The following CDK6 variants were observed in gnomAD, a reference collection of about 807,000 sequenced individuals.
CDK6 encodes cyclin-dependent kinase 6.
CDK6 carries 6 observed loss-of-function variants against 37.1 expected under a neutral mutation model. The ratio of observed to expected loss-of-function variants is 0.16; its 90% CI spans 0.09 to 0.32. CDK6 has a LOEUF of 0.32. CDK6 is among the 10% of genes least tolerant of loss of function. The pLI is 1.00. For missense variants in CDK6, 224 were observed against 418.9 expected, an observed-to-expected ratio of 0.53 and a Z score of 4.06; for synonymous variants, 160 against 161.3, an observed-to-expected ratio of 0.99 and a Z score of 0.06.
chr7:92,783,517 T>C (rs571361997), intron 2 of CDK6, among the ~76,000 whole-genome samples: 67 of 152,296 alleles, frequency 4.4e-4, no homozygotes, highest in African/African-American at 1.6e-3. Flanking sequence ...TTTAAGAGAG[T>C]ATTCATAAGA....
chr7:92,712,539 C>A (rs1332742647), intron 4 of CDK6, among the ~76,000 whole-genome samples: 1 of 152,140 alleles, frequency 6.6e-6, no homozygotes, highest in African/African-American at 2.4e-5. Flanking sequence ...GTAGCAGCAA[C>A]ATGACCTTTA....
chr7:92,719,176 G>C (rs983460899), intron 4 of CDK6, among the ~76,000 whole-genome samples: 14 of 152,132 alleles, frequency 9.2e-5, no homozygotes, highest in Non-Finnish European at 1.9e-4. Context: ...AGGATGTACA[G>C]GTTTGTTACA....
chr7:92,835,585 C>G lies in CDK6; in HGVS notation c.-368+893G>C, dbSNP rs968788512. Among the ~76,000 whole-genome samples the G allele has an allele frequency of 6.6e-6, 1 of 152,230 alleles. No individual in the cohort carries two copies. The highest frequency in any genetic ancestry group is 1.5e-5 in the Non-Finnish European group (1 of 68,052). On this transcript the variant is annotated intron_variant, in intron 1 of 7. Transcript: ENST00000424848. This position sits in a 1 kb window ranked among gnomAD's most constrained non-coding sequence, Gnocchi z 4.2. ...ACATTTCCGCATTCCTCCGCGACTA[C>G]AAAGGCTGCAGCCGCCTCCTTCTGC... is the stretch of plus-strand genomic sequence containing the variant.
chr7:92,608,345 T>A lies in CDK6; in HGVS notation c.*6795A>T. The A allele has an allele frequency of 8.6e-6, 2 of 231,952 alleles. No individual in the cohort carries two copies. Among genetic ancestry groups the A allele is most frequent in the Non-Finnish European group, 1.7e-5 (2 of 117,302 alleles). The allele number at this position is 231,952 out of a possible 1,614,324, so 14.4% of individuals were successfully genotyped here. On this transcript the variant is annotated 3_prime_UTR_variant, in exon 8 of 8. Transcript: ENST00000424848. The stretch of plus-strand genomic sequence containing the variant: ...TGCTACATGAGATAATTTGTTTACA[T>A]ACCTTTAATTACCTAACAAAGAAAA...
chr7:92,819,424 T>C (rs1801114501), intron 2 of CDK6, among the ~76,000 whole-genome samples: 1 of 152,058 alleles, frequency 6.6e-6, no homozygotes, highest in South Asian at 2.1e-4. Context: ...TGTGGGATAA[T>C]GCGAGTATTT....
intron 4 of CDK6, among the ~76,000 whole-genome samples, chr7:92,712,084 C>T (rs1328633025): frequency 2.7e-5 from 4 of 150,852 alleles, no homozygotes; most frequent in African/African-American, 9.8e-5. Context: ...GCTGTGAACC[C>T]GGGAGGCAGA....
rs1254710727 is a variant in CDK6 at position 92,672,158 on chromosome 7, T to TATATATATATATACAC, written c.538-624_538-623insGTGTATATATATATAT. On this transcript the variant is annotated intron_variant, in intron 4 of 7. Coordinates refer to ENST00000424848, the MANE Select transcript of CDK6 (RefSeq NM_001145306.2). The stretch of plus-strand genomic sequence containing the variant: ...ACATATATATATATATATATATATA[T>TATATATATATATACAC]ATACACATACACACACACACACACA... Among the ~76,000 whole-genome samples, 198 of 102,712 alleles carry TATATATATATATACAC rather than the reference T, an allele frequency of 1.9e-3. 7 individuals are homozygous for TATATATATATATACAC. Among genetic ancestry groups the TATATATATATATACAC allele is most frequent in the South Asian group, 0.013 (34 of 2,640 alleles). 67.4% of individuals were successfully genotyped at this position (102,712 alleles called of 152,430 possible).
intron 3 of CDK6, among the ~76,000 whole-genome samples, chr7:92,759,507 T>C (rs1374307628): frequency 6.6e-6 from 1 of 151,932 alleles, no homozygotes; most frequent in Admixed American, 6.6e-5. Flanking sequence ...TAAAAGTTAT[T>C]TTTTTTAAAA....
rs1378044397 is a variant in CDK6, at chr7:92,791,183, G to A, written c.234-16352C>T. Among the ~76,000 whole-genome samples, 3 of 152,078 alleles carry A rather than the reference G, an allele frequency of 2.0e-5. No individual in the cohort carries two copies. The East Asian group carries it at 5.8e-4, about 29-fold the overall frequency. The stretch of plus-strand genomic sequence containing the variant: ...TAAGTGTCTAAATGTGGCGGGGGTG[G>A]AGGGATGGGGAAGGAGAAGCCAAGG... On this transcript the variant is annotated intron_variant, in intron 2 of 7. Transcript: ENST00000424848.
At chr7:92,806,820 A>C (rs1174180950) in intron 2 of CDK6, among the ~76,000 whole-genome samples, 1 of 152,182 alleles carries the variant, frequency 6.6e-6, no homozygotes, top group African/African-American at 2.4e-5. Flanking sequence ...GCTTCACTGC[A>C]TTTCTTCATT....
intron 2 of CDK6, among the ~76,000 whole-genome samples, chr7:92,826,896 G>GA (rs1801332198): frequency 6.6e-6 from 1 of 152,128 alleles, no homozygotes; most frequent in African/African-American, 2.4e-5. Flanking sequence ...TGGACACCAT[G>GA]TTATTTATGG....
At chr7:92,649,251 A>G (rs904652615) in intron 5 of CDK6, among the ~76,000 whole-genome samples, 1 of 152,238 alleles carries the variant, frequency 6.6e-6, no homozygotes, top group African/African-American at 2.4e-5. Flanking sequence ...TATTCCATGA[A>G]ACAGCAGATT....
At chr7:92,669,632 T>G (rs1797031884) in intron 5 of CDK6, among the ~76,000 whole-genome samples, 1 of 152,266 alleles carries the variant, frequency 6.6e-6, no homozygotes, top group African/African-American at 2.4e-5. Context: ...AGTAAATTAT[T>G]CTTGGTTCTA....
intron 4 of CDK6, among the ~76,000 whole-genome samples, chr7:92,698,407 C>G (rs949043111): frequency 1.2e-4 from 19 of 152,180 alleles, no homozygotes; most frequent in Non-Finnish European, 1.6e-4. Flanking sequence ...ACATCGTTAG[C>G]TGGAAAATTC....
intron 4 of CDK6, among the ~76,000 whole-genome samples, chr7:92,716,515 G>C (rs1189229320): frequency 1.3e-5 from 2 of 152,192 alleles, no homozygotes; most frequent in African/African-American, 4.8e-5. Flanking sequence ...TTTGGACTGA[G>C]TGAATAAAAA....
intron 2 of CDK6, among the ~76,000 whole-genome samples, chr7:92,777,435 G>A (rs1257100522): frequency 6.6e-6 from 1 of 152,096 alleles, no homozygotes; most frequent in South Asian, 2.1e-4. Context: ...TAGTAGAGAC[G>A]GGGTTACTCC....
At chr7:92,687,083 T>C (rs1221071837) in intron 4 of CDK6, among the ~76,000 whole-genome samples, 2 of 152,186 alleles carry the variant, frequency 1.3e-5, no homozygotes, top group Non-Finnish European at 2.9e-5. Flanking sequence ...CTATTGTAGA[T>C]ACTTAAAAGA....
intron 4 of CDK6, among the ~76,000 whole-genome samples, chr7:92,694,968 T>C (rs1269430442): frequency 6.6e-6 from 1 of 152,102 alleles, no homozygotes; most frequent in Non-Finnish European, 1.5e-5. Flanking sequence ...AAATTACTTA[T>C]AGACAGAAGG....
intron 2 of CDK6, among the ~76,000 whole-genome samples, chr7:92,795,367 G>A (rs1800383242): frequency 6.6e-6 from 1 of 152,094 alleles, no homozygotes; most frequent in South Asian, 2.1e-4. Flanking sequence ...AGCCTTCAAA[G>A]CAATTTACAT....
Sources: gnomAD v4.1 joint callset for allele counts (sites outside exome capture counted in the v4.1 genomes callset) on GRCh38, gnomAD v4.1.1 for gene constraint, Gnocchi (gnomAD v3.1) non-coding constraint, MANE v1.5 for transcripts, NCBI Gene and HGNC (gene_info 2026-07-23, HGNC 2026-07-21) for gene names.